The following ADCY10 variants were observed in gnomAD, a reference collection of about 807,000 sequenced individuals.
The protein encoded by ADCY10 is adenylate cyclase type 10.
Under a neutral mutation model 183.3 loss-of-function variants are expected in ADCY10, and 156 were observed. The observed-to-expected ratio is 0.85, with a 90% CI of 0.75 to 0.97. The LOEUF (loss-of-function observed/expected upper bound fraction) is 0.97. Ranked by LOEUF, ADCY10 falls within the 50% of genes least tolerant of loss-of-function variation. ADCY10 has a pLI of 0.00. For missense variants in ADCY10, 1,745 were observed against 1,934.3 expected (o/e 0.90, Z 1.84); for synonymous variants, 645 against 670.0 (o/e 0.96, Z 0.58).
chr1:167,904,831 A>G (rs1187375654), intron 2 of ADCY10, 162 bp downstream of exon 2: 2 of 891,848 alleles, frequency 2.2e-6, no homozygotes, highest in East Asian at 2.6e-5. Context: ...AGCCAGGGCC[A>G]CAAGCTATTT....
At chr1:167,834,207 C>T in intron 23 of ADCY10, 130 bp from the exon 24 acceptor site, 1 of 720,820 alleles carries the variant, frequency 1.4e-6, no homozygotes, top group Non-Finnish European at 2.5e-6. Context: ...CACTTCCATC[C>T]CCAGCTCCAC....
chr1:167,821,349 C>CACCA (rs1369489466), intron 30 of ADCY10: 1 of 153,670 alleles, frequency 6.5e-6, no homozygotes, highest in Non-Finnish European at 1.4e-5. Context: ...TGGTGCAAAG[C>CACCA]ACCAGAACTC....
chr1:167,904,086 T>A, intron 2 of ADCY10, 95 bp from the exon 3 acceptor site: 2 of 486,872 alleles, frequency 4.1e-6, no homozygotes, highest in Non-Finnish European at 7.1e-6. Context: ...CCTCAGCTTT[T>A]TTTTTTTTTT....
chr1:167,870,146 A>C (rs1666991473), intron 14 of ADCY10, 111 bp downstream of exon 14: 1 of 1,206,940 alleles, frequency 8.3e-7, no homozygotes, highest in Admixed American at 1.7e-5. Flanking sequence ...GGCATCCAAT[A>C]ATTGTAGGTT....
rs758007829 is a variant in ADCY10, at chr1:167,824,829, C to T, written c.3777G>A (p.Ser1259=). 6 of 1,614,156 alleles carry T rather than the reference C, an allele frequency of 3.7e-6. No homozygotes were observed. Among genetic ancestry groups the T allele is most frequent in the Admixed American group, 3.3e-5 (2 of 60,020 alleles). Residue 1259 remains serine, a synonymous_variant, in exon 27 of 33, where the codon TCG becomes TCA. Transcript: ENST00000367851. ...FQIIKAYLDY[S]LYHHLAGYKG... The stretch of plus-strand genomic sequence containing the variant: ...TGTAGCCAGCCAGGTGGTGGTATAG[C>T]GAATAGTCTAGGTAAGCCTTAATGA...
intron 18 of ADCY10, among the ~76,000 whole-genome samples, chr1:167,851,434 G>C (rs142218183): frequency 6.6e-6 from 1 of 152,098 alleles, no homozygotes; most frequent in Non-Finnish European, 1.5e-5. Flanking sequence ...CAATCCGCCC[G>C]CCTCAGACTC....
chr1:167,814,874 C>T (rs1662430964), intron 31 of ADCY10, among the ~76,000 whole-genome samples: 1 of 152,006 alleles, frequency 6.6e-6, no homozygotes, highest in African/African-American at 2.4e-5. Flanking sequence ...GCCTGTAATC[C>T]CAGCACTTTG....
chr1:167,864,777 G>A (rs945014905), intron 14 of ADCY10, among the ~76,000 whole-genome samples: 19 of 152,028 alleles, frequency 1.2e-4, no homozygotes, highest in Admixed American at 1.2e-3. Context: ...TTTGTTGTTA[G>A]TGTAAACAAG....
At chr1:167,860,380 A>T (rs1195166488) in intron 15 of ADCY10, among the ~76,000 whole-genome samples, 1 of 152,192 alleles carries the variant, frequency 6.6e-6, no homozygotes, top group Non-Finnish European at 1.5e-5. Flanking sequence ...CTGATCTGAC[A>T]AGAGGAGGAG....
chr1:167,812,348 C>T (rs184933583), intron 31 of ADCY10, among the ~76,000 whole-genome samples: 18 of 152,300 alleles, frequency 1.2e-4, no homozygotes, highest in African/African-American at 4.3e-4. Context: ...AATACTAGGA[C>T]ATTCAAAAGC....
In ADCY10 at chr1:167,883,433, T is replaced by C; in HGVS notation, c.1020+4A>G. 6.2e-7 allele frequency: 1 copy of C among 1,614,204 alleles called. No individual in the cohort carries two copies. The highest frequency in any genetic ancestry group is 8.5e-7 in the Non-Finnish European group (1 of 1,180,018). ...TAGGTTCCCATCCCATAGTTCACAC[T>C]TACCTTGTCAAACATGAAGACTTTA... On this transcript the variant is annotated splice_donor_region_variant and intron_variant, in intron 9 of 32. Transcript: ENST00000367851.
At chr1:167,835,908 A>G (rs1408036405) in intron 23 of ADCY10, among the ~76,000 whole-genome samples, 1 of 152,014 alleles carries the variant, frequency 6.6e-6, no homozygotes, top group East Asian at 1.9e-4. Context: ...AAAAACCAGA[A>G]TTGCACTTAT....
Position 167,809,632 on chromosome 1 carries a change from A to G in ADCY10, c.*46T>C, listed in dbSNP as rs1360245406. 1 of 1,603,986 alleles carries G rather than the reference A, an allele frequency of 6.2e-7. No individual in the cohort carries two copies. Among genetic ancestry groups the G allele is most frequent in the South Asian group, 1.1e-5 (1 of 90,862 alleles). On this transcript the variant is annotated 3_prime_UTR_variant, in exon 33 of 33. Transcript: ENST00000367851. ...CCACGGAGAAAGGTCAATAATAGAT[A>G]ATCACAAGGACATAGTGCTTATTAA...
chr1:167,913,623 A>C (rs531590642), intron 1 of ADCY10, among the ~76,000 whole-genome samples: 41 of 152,320 alleles, frequency 2.7e-4, no homozygotes, highest in African/African-American at 8.2e-4. Flanking sequence ...CATCTTCTAC[A>C]TATCTTTGTT....
intron 26 of ADCY10, 125 bp downstream of exon 26, chr1:167,829,142 C>T: frequency 8.7e-7 from 1 of 1,153,944 alleles, no homozygotes; most frequent in South Asian, 1.3e-5. Context: ...CTTGTCAAAA[C>T]AAGCCAATCA....
chr1:167,913,902 C>A (rs923300259), intron 1 of ADCY10, 74 bp downstream of exon 1: 2 of 152,356 alleles, frequency 1.3e-5, no homozygotes, highest in African/African-American at 4.8e-5. Flanking sequence ...CAATAGCTGT[C>A]TTCTTTCCTG....
Position 167,856,322 on chromosome 1 carries a change from G to A in ADCY10, c.2014C>T (p.Leu672=), listed in dbSNP as rs775727610. The part of the protein sequence containing the change: ...RTLPIFIIMS[L]CPFVNIPCAA... The stretch of plus-strand genomic sequence containing the variant: ...CAGGGAATGTTAACGAAGGGACACA[G>A]GGACATAATGATGAAGATAGGAAGA... The change falls in exon 17 of 33, where the codon CTG becomes TTG. Residue 672 remains leucine (L), a synonymous_variant. Coordinates refer to ENST00000367851, the MANE Select transcript of ADCY10 (RefSeq NM_018417.6). 2 of 1,614,026 alleles carry A rather than the reference G, an allele frequency of 1.2e-6. No homozygotes were observed. The highest frequency in any genetic ancestry group is 2.7e-5 in the African/African-American group (2 of 74,904).
In ADCY10 at chr1:167,845,678, A is replaced by T. The variant is rs1049361622; in HGVS notation, c.2892T>A (p.Cys964Ter). ...ARFLEEDAHR[C>*]DHCRGRDFIP... ...TGAAGTCCCTGCCTCGGCAGTGGTC[A>T]CATCTGTGGGCATCTTCTTCTAAAA... The change falls in exon 21 of 33, where the codon TGT becomes TGA. Residue 964 changes from cysteine to a stop codon, truncating the protein, a stop_gained. Transcript: ENST00000367851. LOFTEE classifies it high-confidence loss of function. The T allele has an allele frequency of 2.5e-6, 4 of 1,614,146 alleles. No individual in the cohort carries two copies. The highest frequency in any genetic ancestry group is 8.5e-7 in the Non-Finnish European group (1 of 1,180,054).
rs148814511 is a variant in ADCY10, at chr1:167,823,104, C to A, written c.4072G>T (p.Val1358Leu). ...LNSRYPQLIQ[V>L]LGRLWELSVT... ...GAAAGCTCCCACAGCCGCCCCAGCA[C>A]CTGGATCAATTGCGGGTATCTATGG... The change falls in exon 29 of 33, where the codon GTG (valine) becomes TTG (leucine). Residue 1358 changes from valine (V) to leucine (L), a missense_variant. Transcript: ENST00000367851. 355 of 1,614,130 alleles carry A rather than the reference C, an allele frequency of 2.2e-4. 1 individual carries two copies. In the African/African-American group the frequency reaches 4.1e-3, roughly 19 times the overall value.
Sources: gnomAD v4.1 joint callset for allele counts (sites outside exome capture counted in the v4.1 genomes callset) on GRCh38, gnomAD v4.1.1 for gene constraint, MANE v1.5 for transcripts, NCBI Gene and HGNC (gene_info 2026-07-23, HGNC 2026-07-21) for gene names.